Variants in RBPMS observed in about 807,000 individuals in gnomAD.
The protein encoded by RBPMS is RNA-binding protein with multiple splicing.
RBPMS carries 7 observed loss-of-function variants against 26.8 expected under a neutral mutation model. The observed-to-expected ratio is 0.26, with a 90% CI of 0.15 to 0.49. The LOEUF (loss-of-function observed/expected upper bound fraction) is 0.49. Among genes scored for constraint, RBPMS ranks in the 20% least tolerant of loss-of-function variants. RBPMS has a pLI of 0.98. For missense variants in RBPMS, 186 were observed against 250.0 expected, an observed-to-expected ratio of 0.74 and a Z score of 1.73; for synonymous variants, 96 against 93.3, an observed-to-expected ratio of 1.03 and a Z score of -0.17.
intron 1 of RBPMS, among the ~76,000 whole-genome samples, chr8:30,409,856 C>A (rs1419687390): frequency 6.6e-6 from 1 of 152,128 alleles, no homozygotes; most frequent in East Asian, 1.9e-4. Context: ...TGGTCTCGAT[C>A]TCCTGACCTT....
At chr8:30,544,654 C>G (rs755104202) in intron 6 of RBPMS, 30 bp downstream of exon 6, 14 of 1,612,602 alleles carry the variant, frequency 8.7e-6, no homozygotes, top group South Asian at 3.3e-5. Context: ...CAGGACTTCA[C>G]TCACTTCACC....
At chr8:30,549,824 CTCTTTTCTT>C (rs777218170) in intron 6 of RBPMS, among the ~76,000 whole-genome samples, 104 of 126,160 alleles carry the variant, frequency 8.2e-4, no homozygotes, top group South Asian at 2.7e-3. Context: ...CTCTCTCTCT[CTCTTTTCTT>C]TCTTTTCTTT....
chr8:30,472,823 C>T (rs1563351752), intron 1 of RBPMS, among the ~76,000 whole-genome samples: 1 of 152,158 alleles, frequency 6.6e-6, no homozygotes, highest in African/African-American at 2.4e-5. Flanking sequence ...TGCCTGTAAT[C>T]CCAGCACTGT....
rs566233824 is a variant in RBPMS at position 30,418,601 on chromosome 8, C to T, written c.66+33443C>T. 5.3e-5 allele frequency among the ~76,000 whole-genome samples: 8 copies of T among 152,006 alleles called. 1 individual carries two copies. The East Asian group carries it at 1.5e-3, about 29-fold the overall frequency. ...CTATTATTATTATTATTTTTCGAGG[C>T]AGGGTCTCACTCTGTCACCCAGGCT... On this transcript the variant is annotated intron_variant, in intron 1 of 8. Coordinates refer to ENST00000397323, the MANE Select transcript of RBPMS (RefSeq NM_001008710.3).
chr8:30,561,266 G>A (rs950279229), intron 7 of RBPMS, among the ~76,000 whole-genome samples: 5 of 152,106 alleles, frequency 3.3e-5, no homozygotes, highest in South Asian at 2.1e-4. Flanking sequence ...TCCATGTTTC[G>A]TCTTCATATG....
At chr8:30,389,393 TCTG>T (rs1450864587) in intron 1 of RBPMS, among the ~76,000 whole-genome samples, 1 of 152,232 alleles carries the variant, frequency 6.6e-6, no homozygotes, top group Non-Finnish European at 1.5e-5. Flanking sequence ...GAAGTTCTCT[TCTG>T]GAGATGGTTT....
At chr8:30,518,746 T>A (rs909375646) in intron 5 of RBPMS, among the ~76,000 whole-genome samples, 4 of 143,582 alleles carry the variant, frequency 2.8e-5, no homozygotes, top group Non-Finnish European at 6.0e-5. Flanking sequence ...TAGCTGTCAT[T>A]TAATTGAACC....
intron 1 of RBPMS, among the ~76,000 whole-genome samples, chr8:30,423,772 G>A (rs1811065888): frequency 6.6e-6 from 1 of 151,958 alleles, no homozygotes. Flanking sequence ...AAGGCAGGAT[G>A]GTGCGGGGGT....
intron 4 of RBPMS, among the ~76,000 whole-genome samples, chr8:30,480,617 C>G (rs1175914802): frequency 6.6e-6 from 1 of 152,148 alleles, no homozygotes; most frequent in African/African-American, 2.4e-5. Flanking sequence ...GAATAACTGC[C>G]TACTCACTCT....
chr8:30,562,533 C>G lies in RBPMS; in HGVS notation c.*7+3577C>G, dbSNP rs553520506. On this transcript the variant is annotated intron_variant, in intron 7 of 8. Transcript: ENST00000397323. ...AAAGTTAGACTAGCTCAGTGCGGAT[C>G]TATTATTTCAGCTCCTTCTAGTCTC... 4.6e-5 allele frequency among the ~76,000 whole-genome samples: 7 copies of G among 152,226 alleles called. No homozygotes were observed. The East Asian group carries it at 1.4e-3, about 29-fold the overall frequency.
chr8:30,515,594 TTATC>T (rs992326759), intron 5 of RBPMS, among the ~76,000 whole-genome samples: 2 of 152,246 alleles, frequency 1.3e-5, no homozygotes, highest in Non-Finnish European at 2.9e-5. Flanking sequence ...ATCTAAAGTT[TTATC>T]TTTTTTTCTA....
intron 8 of RBPMS, among the ~76,000 whole-genome samples, chr8:30,566,757 G>A (rs181426008): frequency 1.2e-4 from 18 of 152,264 alleles, no homozygotes; most frequent in South Asian, 8.3e-4. Flanking sequence ...TGTTTCAGAT[G>A]TAATGTGTAT....
intron 1 of RBPMS, chr8:30,446,839 G>GCA (rs1813877807): frequency 1.3e-5 from 1 of 74,474 alleles, no homozygotes; most frequent in Non-Finnish European, 2.5e-5. Context: ...GTGTGTGTGT[G>GCA]TGTGCGCGCG....
intron 5 of RBPMS, among the ~76,000 whole-genome samples, chr8:30,521,047 T>G (rs1379970977): frequency 6.6e-6 from 1 of 152,172 alleles, no homozygotes; most frequent in Non-Finnish European, 1.5e-5. Flanking sequence ...GCACGTAAGA[T>G]AAACATAAAA....
intron 1 of RBPMS, among the ~76,000 whole-genome samples, chr8:30,422,406 G>A (rs1310401325): frequency 3.3e-5 from 5 of 151,954 alleles, no homozygotes; most frequent in Non-Finnish European, 4.4e-5. Context: ...GAGCTACTGC[G>A]CCTGGCCGAA....
At chr8:30,515,853 C>T (rs144158496) in intron 5 of RBPMS, among the ~76,000 whole-genome samples, 305 of 151,876 alleles carry the variant, frequency 2.0e-3, no homozygotes, top group South Asian at 2.9e-3. Flanking sequence ...GATGGGGCCT[C>T]GCTTTGTTGC....
chr8:30,471,559 G>C (rs1817111083), intron 1 of RBPMS, among the ~76,000 whole-genome samples: 1 of 152,082 alleles, frequency 6.6e-6, no homozygotes, highest in Non-Finnish European at 1.5e-5. Context: ...CTGTAATCCA[G>C]TTAGAACCTG....
At chr8:30,500,299 C>T (rs910411991) in intron 4 of RBPMS, among the ~76,000 whole-genome samples, 7 of 151,382 alleles carry the variant, frequency 4.6e-5, no homozygotes, top group African/African-American at 1.7e-4. Context: ...GATGTATATA[C>T]AGTCTCCTCT....
Position 30,543,025 on chromosome 8 carries a change from T to G in RBPMS, c.398-1469T>G, listed in dbSNP as rs1301749020. On this transcript the variant is annotated intron_variant, in intron 5 of 8. Transcript: ENST00000397323. ...ACCTAGATGCACAGGCAGTCTGTCT[T>G]TCTATCACCAAGTCCTGAGGAGGTA... is the stretch of plus-strand genomic sequence containing the variant. 2.0e-5 allele frequency among the ~76,000 whole-genome samples: 3 copies of G among 152,226 alleles called. No individual in the cohort carries two copies. In the East Asian group the frequency reaches 5.8e-4, roughly 29 times the overall value.
Sources: allele counts gnomAD v4.1 joint callset (sites outside exome capture counted in the v4.1 genomes callset), GRCh38; gene constraint gnomAD v4.1.1; transcripts MANE v1.5; gene names NCBI Gene and HGNC (gene_info 2026-07-23, HGNC 2026-07-21).